FMO3: variants seen among roughly 807,000 people sequenced by gnomAD.
FMO3 encodes flavin containing dimethylaniline monoxygenase 3, also known as flavin-containing monooxygenase 3.
FMO3 carries 40 observed loss-of-function variants against 39.4 expected under a neutral mutation model. The ratio of observed to expected loss-of-function variants is 1.02; its 90% CI spans 0.79 to 1.32. The LOEUF is 1.32. Ranked by LOEUF, FMO3 falls within the 40% of genes most tolerant of loss-of-function variation. The pLI, the probability that FMO3 is intolerant of heterozygous loss-of-function variation, is 0.00. For synonymous variants in FMO3, 219 were observed against 228.8 expected, an observed-to-expected ratio of 0.96 and a Z score of 0.39; for missense variants, 680 against 651.8, an observed-to-expected ratio of 1.04 and a Z score of -0.47.
chr1:171,099,344 T>G (rs1039152941), intron 2 of FMO3, among the ~76,000 whole-genome samples: 1 of 152,202 alleles, frequency 6.6e-6, no homozygotes, highest in African/African-American at 2.4e-5. Context: ...GGATTAGGTG[T>G]GGTGTGAAAC....
intron 2 of FMO3, among the ~76,000 whole-genome samples, chr1:171,102,045 A>T (rs1366237399): frequency 3.3e-5 from 5 of 152,106 alleles, no homozygotes; most frequent in Non-Finnish European, 5.9e-5. Flanking sequence ...CCCATCCCAC[A>T]TGCCTATAGC....
intron 2 of FMO3, among the ~76,000 whole-genome samples, chr1:171,099,137 G>A (rs546636760): frequency 1.1e-4 from 17 of 152,100 alleles, no homozygotes; most frequent in Admixed American, 3.3e-4. Flanking sequence ...CTTTATTTCC[G>A]CCTTCATTTC....
At chr1:171,112,041 C>G (rs906905937) in intron 6 of FMO3, among the ~76,000 whole-genome samples, 2 of 152,218 alleles carry the variant, frequency 1.3e-5, no homozygotes, top group Middle Eastern at 3.4e-3. Context: ...AGGGAATGAG[C>G]CATGAGGGTC....
chr1:171,105,498 C>T (rs1359008875), intron 3 of FMO3, among the ~76,000 whole-genome samples: 1 of 152,120 alleles, frequency 6.6e-6, no homozygotes, highest in African/African-American at 2.4e-5. Context: ...AGTTTACGGT[C>T]CCACCAACAG....
At chr1:171,096,278 T>C (rs1369887687) in intron 2 of FMO3, among the ~76,000 whole-genome samples, 1 of 63,886 alleles carries the variant, frequency 1.6e-5, no homozygotes, top group Non-Finnish European at 2.5e-5. Context: ...ATAAATATTA[T>C]ATATATTATA....
Position 171,107,680 on chromosome 1 carries a change from TG to T in FMO3, c.328del (p.Val110TyrfsTer4). 2 of 1,612,368 alleles carry T rather than the reference TG, an allele frequency of 1.2e-6. No individual in the cohort carries two copies. The highest frequency in any genetic ancestry group is 1.7e-4 in the Middle Eastern group (1 of 6,054). On this transcript the variant is annotated frameshift_variant, in exon 4 of 9. Coordinates refer to ENST00000367755, the MANE Select transcript of FMO3 (RefSeq NM_001002294.3). LOFTEE classifies it high-confidence loss of function. ...TCTTTCTGTATTTCTCTTAGACATTTGTATCCAGTGTAAATAAACATCCTGA... is the reference window on the plus strand; with the variant it reads ...TCTTTCTGTATTTCTCTTAGACATTTTATCCAGTGTAAATAAACATCCTGA... Reference protein sequence around the residue: ...LLKYIQFKTFVSSVNKHPDFA... With the variant: ...LLKYIQFKTFXSSVNKHPDFA...
intron 5 of FMO3, among the ~76,000 whole-genome samples, chr1:171,109,869 T>C (rs1655827577): frequency 2.0e-5 from 3 of 152,222 alleles, no homozygotes; most frequent in African/African-American, 7.2e-5. Flanking sequence ...GTCTAGTTCC[T>C]CTTATAACAA....
At chr1:171,093,013 C>T (rs1399998824) in intron 2 of FMO3, among the ~76,000 whole-genome samples, 2 of 152,048 alleles carry the variant, frequency 1.3e-5, no homozygotes, top group African/African-American at 4.8e-5. Context: ...ACAGTTCTCC[C>T]TTGATAGATC....
chr1:171,095,797 A>T (rs1654933534), intron 2 of FMO3, among the ~76,000 whole-genome samples: 1 of 129,204 alleles, frequency 7.7e-6, no homozygotes, highest in Non-Finnish European at 1.6e-5. Context: ...TATATAAAAA[A>T]TATAAATATA....
At chr1:171,107,960 G>A (rs1008289740) in intron 4 of FMO3, 119 bp from the exon 5 acceptor site, 12 of 1,361,282 alleles carry the variant, frequency 8.8e-6, no homozygotes, top group Middle Eastern at 3.6e-4. Context: ...TATCTAATAT[G>A]CTTGGTGTGT....
intron 8 of FMO3, 33 bp from the exon 9 acceptor site, chr1:171,117,067 T>A: frequency 6.7e-7 from 1 of 1,499,978 alleles, no homozygotes; most frequent in South Asian, 1.1e-5. Context: ...AGAGTTTGGG[T>A]ATCCACAGTG....
intron 2 of FMO3, among the ~76,000 whole-genome samples, chr1:171,098,402 T>G (rs1655204595): frequency 2.0e-5 from 3 of 152,214 alleles, no homozygotes; most frequent in South Asian, 4.1e-4. Flanking sequence ...TTTCACAATA[T>G]TGATTCTTCC....
intron 2 of FMO3, among the ~76,000 whole-genome samples, chr1:171,096,435 A>T (rs1368940914): frequency 9.6e-6 from 1 of 104,372 alleles, no homozygotes; most frequent in Admixed American, 1.5e-4. Context: ...AATATATATT[A>T]CATATTTTAT....
chr1:171,117,453 C>G lies in FMO3; in HGVS notation c.*11C>G. 6.2e-7 allele frequency: 1 copy of G among 1,608,700 alleles called. No individual in the cohort carries two copies. Among genetic ancestry groups the G allele is most frequent in the Non-Finnish European group, 8.5e-7 (1 of 1,175,928 alleles). ...CTTGTGTTGACCTAATCATCATTTT[C>G]TCTAGGATTTCTGAAAGTTACTGAC... On this transcript the variant is annotated 3_prime_UTR_variant, in exon 9 of 9. Coordinates refer to ENST00000367755, the MANE Select transcript of FMO3 (RefSeq NM_001002294.3).
chr1:171,114,041 C>A lies in FMO3; in HGVS notation c.862C>A (p.Leu288Ile). ...GAAAGAGCCTGTATTTAACGATGAG[C>A]TCCCAGCAAGCATTCTGTGTGGCAT... ...LRKEPVFNDE[L>I]PASILCGIVS... Residue 288 changes from leucine to isoleucine, a missense_variant, in exon 7 of 9, where the codon CTC (leucine) becomes ATC (isoleucine). Transcript: ENST00000367755. 6.2e-7 allele frequency: 1 copy of A among 1,612,024 alleles called. No individual in the cohort carries two copies. Among genetic ancestry groups the A allele is most frequent in the Non-Finnish European group, 8.5e-7 (1 of 1,178,718 alleles).
chr1:171,110,665 T>C, intron 5 of FMO3, 133 bp from the exon 6 acceptor site: 1 of 821,194 alleles, frequency 1.2e-6, no homozygotes, highest in Non-Finnish European at 2.1e-6. Flanking sequence ...GACTGACAGC[T>C]GAGAGATGTC....
chr1:171,110,847 A>T lies in FMO3; in HGVS notation c.677A>T (p.Asp226Val). 6.2e-7 allele frequency: 1 copy of T among 1,614,016 alleles called. No individual in the cohort carries two copies. Among genetic ancestry groups the T allele is most frequent in the Non-Finnish European group, 8.5e-7 (1 of 1,179,956 alleles). Residue 226 changes from aspartate (D) to valine (V), a missense_variant, in exon 6 of 9, where the codon GAC becomes GTC. Physicochemically the swap from Asp to Val is radical, Grantham distance 152 (BLOSUM62 -3). Coordinates refer to ENST00000367755, the MANE Select transcript of FMO3 (RefSeq NM_001002294.3). ...SGSWVMSRVW[D>V]NGYPWDMLLV... Reference sequence around the variant, plus strand: ...TCCTGGGTGATGAGCCGGGTCTGGGACAATGGTTATCCTTGGGACATGCTG... The same window carrying T: ...TCCTGGGTGATGAGCCGGGTCTGGGTCAATGGTTATCCTTGGGACATGCTG...
chr1:171,113,718 A>T (rs1018598402), intron 6 of FMO3, among the ~76,000 whole-genome samples: 1 of 152,200 alleles, frequency 6.6e-6, no homozygotes, highest in African/African-American at 2.4e-5. Flanking sequence ...TTTTCCTGAA[A>T]CAGGCTTTAA....
rs1316150768 is a variant in FMO3 at position 171,116,237 on chromosome 1, A to C, written c.1213A>C (p.Met405Leu). 1 of 1,605,798 alleles carries C rather than the reference A, an allele frequency of 6.2e-7. No individual in the cohort carries two copies. Among genetic ancestry groups the C allele is most frequent in the Admixed American group, 1.7e-5 (1 of 59,974 alleles). Residue 405 changes from methionine (M) to leucine (L), a missense_variant, in exon 8 of 9, where the codon ATG becomes CTG. Coordinates refer to ENST00000367755, the MANE Select transcript of FMO3 (RefSeq NM_001002294.3). ...TTGTACTTTGCCTTCTATGGAAGAC[A>C]TGATGAATGATATTAATGAGAAAAT... ...GTCTLPSMEDMMNDINEKMEK... is the reference protein window; with the variant it reads ...GTCTLPSMEDLMNDINEKMEK...
Sources: gnomAD v4.1 joint callset for allele counts (sites outside exome capture counted in the v4.1 genomes callset) on GRCh38, gnomAD v4.1.1 for gene constraint, MANE v1.5 for transcripts, NCBI Gene and HGNC (gene_info 2026-07-23, HGNC 2026-07-21) for gene names.